TRIO: variants seen among roughly 807,000 people sequenced by gnomAD.
TRIO encodes the protein trio Rho guanine nucleotide exchange factor, also known as triple functional domain protein.
TRIO carries 58 observed loss-of-function variants against 351.9 expected under a neutral mutation model. The observed-to-expected ratio is 0.16, with a 90% confidence interval of 0.13 to 0.21. The LOEUF is 0.21. Ranked by LOEUF, TRIO falls within the 10% of genes least tolerant of loss-of-function variation. TRIO has a pLI of 1.00. For missense variants in TRIO, 3,201 were observed against 4,027.8 expected (o/e 0.79, Z 5.56); for synonymous variants, 1,758 against 1,595.7 (o/e 1.10, Z -2.42).
intron 4 of TRIO, 43 bp from the exon 5 acceptor site, chr5:14,290,673 A>G: frequency 6.5e-7 from 1 of 1,537,146 alleles, no homozygotes; most frequent in South Asian, 1.3e-5. Flanking sequence ...AAAACTATAT[A>G]AAATTGGTTC....
At chr5:14,312,242 G>A (rs970789081) in intron 8 of TRIO, among the ~76,000 whole-genome samples, 1 of 152,308 alleles carries the variant, frequency 6.6e-6, no homozygotes, top group African/African-American at 2.4e-5. Flanking sequence ...TCTATGTGCA[G>A]TTCTGATGAA....
chr5:14,445,192 T>C (rs1031721301), intron 34 of TRIO, among the ~76,000 whole-genome samples: 1 of 152,176 alleles, frequency 6.6e-6, no homozygotes, highest in Non-Finnish European at 1.5e-5. Flanking sequence ...AGCCATGGAA[T>C]TCATCCATGG....
chr5:14,500,464 A>C (rs989318643), intron 53 of TRIO, among the ~76,000 whole-genome samples: 1 of 152,156 alleles, frequency 6.6e-6, no homozygotes, highest in African/African-American at 2.4e-5. Context: ...AGTCTGGGCT[A>C]TGAGAGGGGA....
At chr5:14,226,046 G>T (rs1793000022) in intron 1 of TRIO, among the ~76,000 whole-genome samples, 1 of 152,148 alleles carries the variant, frequency 6.6e-6, no homozygotes, top group Admixed American at 6.5e-5. Context: ...ACTGAGTGAG[G>T]GTGGGAGGTT....
intron 34 of TRIO, among the ~76,000 whole-genome samples, chr5:14,458,890 C>T (rs1405281799): frequency 1.3e-5 from 2 of 152,210 alleles, no homozygotes; most frequent in Non-Finnish European, 1.5e-5. Flanking sequence ...TTCCAGACCA[C>T]ACCGAAGGAA....
chr5:14,217,463 C>G (rs1792296870), intron 1 of TRIO, among the ~76,000 whole-genome samples: 1 of 152,118 alleles, frequency 6.6e-6, no homozygotes, highest in South Asian at 2.1e-4. Context: ...GTGCTGTCCC[C>G]CACGAACCCA....
chr5:14,494,769 T>G (rs747180401), intron 49 of TRIO, among the ~76,000 whole-genome samples: 1 of 152,112 alleles, frequency 6.6e-6, no homozygotes, highest in East Asian at 1.9e-4. Flanking sequence ...CATGGTGGCA[T>G]GTGTCTGTGG....
chr5:14,200,920 A>C (rs1181802511), intron 1 of TRIO, among the ~76,000 whole-genome samples: 2 of 152,186 alleles, frequency 1.3e-5, no homozygotes, highest in Non-Finnish European at 2.9e-5. Flanking sequence ...TGTTTAAATG[A>C]TTTAGAAAAA....
chr5:14,414,681 A>G (rs1486083267), intron 33 of TRIO, among the ~76,000 whole-genome samples: 1 of 151,988 alleles, frequency 6.6e-6, no homozygotes, highest in Non-Finnish European at 1.5e-5. Flanking sequence ...ATGTCCTCAC[A>G]GGTTTCTTTC....
chr5:14,466,525 T>C (rs1174346626), intron 37 of TRIO: 1 of 152,226 alleles, frequency 6.6e-6, no homozygotes, highest in Non-Finnish European at 1.5e-5. Context: ...TCAAATCAAT[T>C]AATTTCTGTT....
At chr5:14,185,981 C>T (rs1472371150) in intron 1 of TRIO, among the ~76,000 whole-genome samples, 1 of 152,192 alleles carries the variant, frequency 6.6e-6, no homozygotes, top group Non-Finnish European at 1.5e-5. Context: ...TAAATGTTTT[C>T]AGAATATTTT....
rs60827656 is a variant in TRIO, at chr5:14,202,294, A to AT, written c.157+58448dup. Among the ~76,000 whole-genome samples the AT allele has an allele frequency of 1.5e-3, 51 of 33,562 alleles. 3 individuals are homozygous for AT. The highest frequency in any genetic ancestry group is 2.5e-3 in the African/African-American group (25 of 10,048). The allele number at this position is 33,562 out of a possible 152,430, so 22.0% of individuals were successfully genotyped here. The stretch of plus-strand genomic sequence containing the variant: ...TTAAAACATTTTGAATATTTTTGTG[A>AT]TTTTTTTTTTTTTTTTTTTTTTTTT... On this transcript the variant is annotated intron_variant, in intron 1 of 56. Transcript: ENST00000344204.
chr5:14,388,184 C>A (rs796326392), intron 23 of TRIO, among the ~76,000 whole-genome samples: 7 of 152,254 alleles, frequency 4.6e-5, no homozygotes, highest in African/African-American at 1.7e-4. Context: ...TTAGTAAACT[C>A]TATATAAATA....
intron 1 of TRIO, among the ~76,000 whole-genome samples, chr5:14,180,024 C>T (rs567489797): frequency 1.4e-5 from 2 of 143,104 alleles, no homozygotes; most frequent in South Asian, 2.2e-4. Context: ...TCGCTTGAAC[C>T]CAGGAGGCGG....
intron 40 of TRIO, among the ~76,000 whole-genome samples, chr5:14,475,008 T>G (rs1471672025): frequency 6.6e-6 from 1 of 152,178 alleles, no homozygotes; most frequent in Non-Finnish European, 1.5e-5. Context: ...TAGACACGAT[T>G]GCCCATGAAA....
intron 1 of TRIO, among the ~76,000 whole-genome samples, chr5:14,218,023 C>G (rs1792334021): frequency 6.6e-6 from 1 of 152,162 alleles, no homozygotes; most frequent in Non-Finnish European, 1.5e-5. Context: ...AAATAAAAGT[C>G]TTATTAATGA....
chr5:14,316,686 C>T lies in TRIO; in HGVS notation c.1674C>T (p.Arg558=), dbSNP rs757559248. ...AGCTGGAGAACATCTGGCAACACCG[C>T]AAGGTCCGGCTGCATCAGAGGCTGC... ...QRQLENIWQH[R]KVRLHQRLQL... is the part of the protein sequence containing the mutation. Residue 558 remains arginine, a synonymous_variant, in exon 9 of 57, where the codon CGC becomes CGT. Coordinates refer to ENST00000344204, the MANE Select transcript of TRIO (RefSeq NM_007118.4). 1.9e-6 allele frequency: 3 copies of T among 1,614,180 alleles called. No individual in the cohort carries two copies. The South Asian group carries it at 3.3e-5, about 18-fold the overall frequency.
Position 14,508,533 on chromosome 5 carries a change from T to A in TRIO, c.*111T>A. The A allele has an allele frequency of 1.5e-6, 2 of 1,354,132 alleles. No individual in the cohort carries two copies. Among genetic ancestry groups the A allele is most frequent in the South Asian group, 1.4e-5 (1 of 69,510 alleles). The allele number at this position is 1,354,132 out of a possible 1,614,324, so 83.9% of individuals were successfully genotyped here. On this transcript the variant is annotated 3_prime_UTR_variant, in exon 57 of 57. Transcript: ENST00000344204. ...TGATCAGCTGCCGGTATGTTCATCG[T>A]GTGAAATTGCATTCCAAGTGAGCTG... is the stretch of plus-strand genomic sequence containing the variant.
intron 18 of TRIO, among the ~76,000 whole-genome samples, chr5:14,371,324 G>T (rs373981726): frequency 3.3e-5 from 5 of 152,238 alleles, no homozygotes; most frequent in Admixed American, 1.3e-4. Flanking sequence ...CTAGAATTTT[G>T]TGGTGTTTGT....
Sources: allele counts gnomAD v4.1 joint callset (sites outside exome capture counted in the v4.1 genomes callset), GRCh38; gene constraint gnomAD v4.1.1; transcripts MANE v1.5; gene names NCBI Gene and HGNC (gene_info 2026-07-23, HGNC 2026-07-21).